The following BMAL1 variants were observed in gnomAD, a reference collection of about 807,000 sequenced individuals.
The protein encoded by BMAL1 is basic helix-loop-helix ARNT like 1.
At chr11:13,285,823 T>C in the BMAL1 span, among the ~76,000 whole-genome samples, 1 of 152,218 alleles carries the variant, frequency 6.6e-6, no homozygotes, top group Non-Finnish European at 1.5e-5. Context: ...AAAATAATAA[T>C]TTATCATACC....
chr11:13,295,034 A>G, the BMAL1 span, among the ~76,000 whole-genome samples: 1 of 152,204 alleles, frequency 6.6e-6, no homozygotes, highest in Non-Finnish European at 1.5e-5. Flanking sequence ...GAAGCAGTCA[A>G]GACTGCAGGG....
chr11:13,378,808 T>A, the BMAL1 span: 1 of 232,780 alleles, frequency 4.3e-6, no homozygotes, highest in Non-Finnish European at 8.3e-6. Flanking sequence ...TCAGTGCGGA[T>A]AGATGTACCT....
chr11:13,281,362 A>G, the BMAL1 span, among the ~76,000 whole-genome samples: 10 of 151,540 alleles, frequency 6.6e-5, no homozygotes, highest in Non-Finnish European at 1.5e-5. Flanking sequence ...CCACTCTCCC[A>G]TCTCCTGCTC....
At chr11:13,299,932 C>A in the BMAL1 span, among the ~76,000 whole-genome samples, 1,005 of 152,296 alleles carry the variant, frequency 6.6e-3, 20 homozygotes, top group African/African-American at 0.023. Context: ...TGGAGAGGAC[C>A]AAGCTTGACA....
the BMAL1 span, among the ~76,000 whole-genome samples, chr11:13,350,652 G>A: frequency 6.6e-6 from 1 of 152,002 alleles, no homozygotes; most frequent in African/African-American, 2.4e-5. Flanking sequence ...ACTAGCAAAT[G>A]GTGTTAGAAA....
chr11:13,292,316 A>G, the BMAL1 span, among the ~76,000 whole-genome samples: 63 of 152,122 alleles, frequency 4.1e-4, no homozygotes, highest in Admixed American at 6.5e-4. Context: ...AGGTCGAGGC[A>G]GGCAGATCAC....
the BMAL1 span, among the ~76,000 whole-genome samples, chr11:13,301,539 T>C: frequency 6.6e-6 from 1 of 152,132 alleles, no homozygotes; most frequent in South Asian, 2.1e-4. Flanking sequence ...AGGGTGGGGC[T>C]AAGGGGCAGG....
the BMAL1 span, among the ~76,000 whole-genome samples, chr11:13,313,281 C>T: frequency 6.6e-6 from 1 of 152,196 alleles, no homozygotes; most frequent in South Asian, 2.1e-4. Context: ...GTTCTTTGTC[C>T]TTAGCTTCTG....
At chr11:13,341,969 G>A in the BMAL1 span, among the ~76,000 whole-genome samples, 1 of 152,242 alleles carries the variant, frequency 6.6e-6, no homozygotes, top group Non-Finnish European at 1.5e-5. Context: ...AAGTGGCAGG[G>A]CAGGAGGGGT....
chr11:13,366,394 C>T, the BMAL1 span, among the ~76,000 whole-genome samples: 3 of 152,272 alleles, frequency 2.0e-5, no homozygotes, highest in African/African-American at 7.2e-5. Flanking sequence ...TGAGGTCTTA[C>T]AGGGGAATTC....
chr11:13,324,809 A>G, the BMAL1 span, among the ~76,000 whole-genome samples: 6 of 152,246 alleles, frequency 3.9e-5, no homozygotes, highest in Non-Finnish European at 7.3e-5. Context: ...CCTGCATGCA[A>G]GCGAAGACTT....
At chr11:13,338,562 A>C in the BMAL1 span, among the ~76,000 whole-genome samples, 1 of 152,040 alleles carries the variant, frequency 6.6e-6, no homozygotes, top group South Asian at 2.1e-4. Context: ...AGGTGGGAGG[A>C]GGGATGGGTA....
the BMAL1 span, chr11:13,376,854 G>A: frequency 6.1e-6 from 5 of 816,384 alleles, no homozygotes; most frequent in South Asian, 7.2e-5. Flanking sequence ...GCCTCGAGGG[G>A]ATGATGTGCG....
chr11:13,323,150 T>C, the BMAL1 span, among the ~76,000 whole-genome samples: 1 of 151,584 alleles, frequency 6.6e-6, no homozygotes, highest in Admixed American at 6.6e-5. Flanking sequence ...GCTGTAGAAG[T>C]AGGAAGGGCC....
chr11:13,298,486 A>C, the BMAL1 span, among the ~76,000 whole-genome samples: 1 of 152,012 alleles, frequency 6.6e-6, no homozygotes, highest in Non-Finnish European at 1.5e-5. Context: ...TCACCATCTA[A>C]TATATTATAC....
chr11:13,284,258 ATATATATATTTTT>A, the BMAL1 span, among the ~76,000 whole-genome samples: 847 of 24,322 alleles, frequency 0.035, 129 homozygotes, highest in African/African-American at 0.14. Flanking sequence ...ATATATATAT[ATATATATATTTTT>A]TTTTTTAATG....
the BMAL1 span, among the ~76,000 whole-genome samples, chr11:13,290,559 A>ATGTTATTGTTGT: frequency 6.7e-6 from 1 of 149,056 alleles, no homozygotes; most frequent in African/African-American, 2.5e-5. Context: ...ACAAGTGTAT[A>ATGTTATTGTTGT]TATTATTATT....
the BMAL1 span, chr11:13,355,009 G>T: frequency 5.0e-6 from 2 of 397,102 alleles, no homozygotes; most frequent in Non-Finnish European, 4.6e-6. Context: ...CTTTTCGTTT[G>T]AGTAAGTAAA....
At chr11:13,337,844 G>C in the BMAL1 span, among the ~76,000 whole-genome samples, 1 of 152,162 alleles carries the variant, frequency 6.6e-6, no homozygotes, top group Non-Finnish European at 1.5e-5. Flanking sequence ...TATTGCTTCA[G>C]TTGTCACAGA....
Sources: allele counts gnomAD v4.1 joint callset (sites outside exome capture counted in the v4.1 genomes callset), GRCh38; gene constraint gnomAD v4.1.1; transcripts MANE v1.5; gene names NCBI Gene and HGNC (gene_info 2026-07-23, HGNC 2026-07-21).